The following ZNF277 variants were observed in gnomAD, a reference collection of about 807,000 sequenced individuals.
ZNF277 encodes zinc finger protein 277, also known as nuclear receptor-interacting factor 4.
A neutral mutation model predicts 60.7 loss-of-function variants in ZNF277; 55 were observed. That is an observed-to-expected ratio of 0.91 (90% CI 0.73 to 1.13). The LOEUF (loss-of-function observed/expected upper bound fraction) is 1.13, where lower values mean the gene tolerates loss of function less well. ZNF277 is among the 50% of genes most tolerant of loss of function. ZNF277 has a pLI of 0.00. For missense variants in ZNF277, 510 were observed against 523.0 expected, an observed-to-expected ratio of 0.98 and a Z score of 0.24; for synonymous variants, 178 against 179.3, an observed-to-expected ratio of 0.99 and a Z score of 0.06.
At chr7:112,281,632 A>T (rs1312226906) in intron 1 of ZNF277, among the ~76,000 whole-genome samples, 1 of 152,188 alleles carries the variant, frequency 6.6e-6, no homozygotes, top group Non-Finnish European at 1.5e-5. Context: ...ATATAGTTGG[A>T]CTACGCACAA....
At chr7:112,282,974 G>C (rs945090523) in intron 1 of ZNF277, among the ~76,000 whole-genome samples, 5 of 152,138 alleles carry the variant, frequency 3.3e-5, no homozygotes, top group African/African-American at 1.2e-4. Context: ...ACAATGCCTG[G>C]CACAAAATAA....
Position 112,337,720 on chromosome 7 carries a change from T to C in ZNF277, c.870-10T>C. 2.5e-6 allele frequency: 4 copies of C among 1,609,714 alleles called. No homozygotes were observed. Among genetic ancestry groups the C allele is most frequent in the Non-Finnish European group, 3.4e-6 (4 of 1,178,270 alleles). ...AATCTCCGTATTTTCTCTCCTCTTT[T>C]TTAATTCAGTGACTGGTCTGATTGG... On this transcript the variant is annotated splice_polypyrimidine_tract_variant and intron_variant, in intron 8 of 11. Transcript: ENST00000361822.
rs1793345305 is a variant in ZNF277 at position 112,336,883 on chromosome 7, C to T, written c.869+712C>T. Among the ~76,000 whole-genome samples, 12 of 152,266 alleles carry T rather than the reference C, an allele frequency of 7.9e-5. No individual in the cohort carries two copies. In the South Asian group the frequency reaches 2.5e-3, roughly 32 times the overall value. ...TCAGTGAATGTTAAAGTTTTAATGACACAAAAGGTTATAAATAGTAAGTCA... is the reference window on the plus strand; with the variant it reads ...TCAGTGAATGTTAAAGTTTTAATGATACAAAAGGTTATAAATAGTAAGTCA... On this transcript the variant is annotated intron_variant, in intron 8 of 11. Transcript: ENST00000361822.
Position 112,298,904 on chromosome 7 carries a change from G to A in ZNF277, c.465+2593G>A, listed in dbSNP as rs1366844189. Among the ~76,000 whole-genome samples, 3 of 152,134 alleles carry A rather than the reference G, an allele frequency of 2.0e-5. No homozygotes were observed. The East Asian group carries it at 5.8e-4, about 29-fold the overall frequency. ...TTTTAAGCCATGCCATGCCAGCGTA[G>A]TCATTATTTGGCCTCTCATGTGTCT... On this transcript the variant is annotated intron_variant, in intron 4 of 11. Coordinates refer to ENST00000361822, the MANE Select transcript of ZNF277 (RefSeq NM_021994.3).
chr7:112,221,212 T>C (rs1822021577), intron 1 of ZNF277, among the ~76,000 whole-genome samples: 2 of 152,142 alleles, frequency 1.3e-5, no homozygotes, highest in Admixed American at 1.3e-4. Flanking sequence ...CTAATCGAGC[T>C]GAACACTAGC....
intron 1 of ZNF277, among the ~76,000 whole-genome samples, chr7:112,207,498 G>GA (rs1157703892): frequency 6.6e-6 from 1 of 152,172 alleles, no homozygotes; most frequent in African/African-American, 2.4e-5. Flanking sequence ...AAGAACATTT[G>GA]AAAAGAGTTT....
intron 1 of ZNF277, among the ~76,000 whole-genome samples, chr7:112,261,930 A>G (rs764528560): frequency 5.3e-5 from 8 of 152,060 alleles, no homozygotes; most frequent in Non-Finnish European, 1.0e-4. Flanking sequence ...GGCACTAAAC[A>G]TTTCAGAATG....
At chr7:112,264,021 A>G (rs1424394038) in intron 1 of ZNF277, among the ~76,000 whole-genome samples, 1 of 152,064 alleles carries the variant, frequency 6.6e-6, no homozygotes, top group East Asian at 1.9e-4. Context: ...AATATAAACA[A>G]AAACAGCGCC....
At chr7:112,265,460 G>A (rs1245783588) in intron 1 of ZNF277, among the ~76,000 whole-genome samples, 1 of 152,096 alleles carries the variant, frequency 6.6e-6, no homozygotes, top group Non-Finnish European at 1.5e-5. Context: ...ATAACAATTA[G>A]TAACATCAAG....
chr7:112,326,714 G>GA (rs369773299), intron 5 of ZNF277, among the ~76,000 whole-genome samples: 39 of 150,830 alleles, frequency 2.6e-4, no homozygotes, highest in African/African-American at 7.8e-4. Context: ...TTCTCAAGGG[G>GA]AAAAAAAACA....
Position 112,286,860 on chromosome 7 carries a change from T to A in ZNF277, c.92-13T>A. 1 of 1,242,754 alleles carries A rather than the reference T, an allele frequency of 8.0e-7. No homozygotes were observed. The highest frequency in any genetic ancestry group is 1.1e-6 in the Non-Finnish European group (1 of 927,638). The allele number at this position is 1,242,754 out of a possible 1,614,324, so 77.0% of individuals were successfully genotyped here. ...TTCTTTCTTTTTTTTTTTTTTTTTTTGGTCTATTCCAGACAGTAAGGATTG... is the reference window on the plus strand; with the variant it reads ...TTCTTTCTTTTTTTTTTTTTTTTTTAGGTCTATTCCAGACAGTAAGGATTG... On this transcript the variant is annotated splice_polypyrimidine_tract_variant and intron_variant, in intron 1 of 11. Transcript: ENST00000361822.
At chr7:112,261,440 GTT>G (rs1295077037) in intron 1 of ZNF277, among the ~76,000 whole-genome samples, 1 of 152,066 alleles carries the variant, frequency 6.6e-6, no homozygotes, top group Non-Finnish European at 1.5e-5. Context: ...TTCTGATTAT[GTT>G]TTTGTTTTTC....
intron 4 of ZNF277, among the ~76,000 whole-genome samples, chr7:112,302,659 T>G (rs10275709): frequency 0.058 from 8,773 of 152,110 alleles, 684 homozygotes; most frequent in African/African-American, 0.18. Flanking sequence ...GATATTATTC[T>G]GAGTCCTAAG....
chr7:112,330,418 TAGTAAAA>T, intron 7 of ZNF277: 1 of 599,164 alleles, frequency 1.7e-6, no homozygotes, highest in South Asian at 2.2e-5. Flanking sequence ...AGTGTTTATG[TAGTAAAA>T]ATGTCATGTC....
At chr7:112,255,597 TG>T (rs1238095696) in intron 1 of ZNF277, among the ~76,000 whole-genome samples, 2 of 152,192 alleles carry the variant, frequency 1.3e-5, no homozygotes, top group African/African-American at 2.4e-5. Flanking sequence ...GGAATCCAGA[TG>T]TCAGTTAGTC....
chr7:112,237,895 C>G (rs1469447079), intron 1 of ZNF277, among the ~76,000 whole-genome samples: 3 of 152,186 alleles, frequency 2.0e-5, no homozygotes, highest in Non-Finnish European at 4.4e-5. Flanking sequence ...AGACCAATAT[C>G]TTTGATGAAG....
Position 112,296,459 on chromosome 7 carries a change from CA to C in ZNF277, c.465+157del, listed in dbSNP as rs11393136. ...GAGACAATACAAAAAGGTCTTAAAACAAAAAAAAAGTATACACTTGACTGAA... is the reference window on the plus strand; with the variant it reads ...GAGACAATACAAAAAGGTCTTAAAACAAAAAAAAGTATACACTTGACTGAA... On this transcript the variant is annotated intron_variant, in intron 4 of 11. Coordinates refer to ENST00000361822, the MANE Select transcript of ZNF277 (RefSeq NM_021994.3). The C allele has an allele frequency of 1.6e-3, 640 of 395,326 alleles. 1 individual carries two copies. Among genetic ancestry groups the C allele is most frequent in the East Asian group, 2.1e-3 (51 of 24,246 alleles). 24.5% of individuals were successfully genotyped at this position (395,326 alleles called of 1,614,324 possible). A position where few individuals can be genotyped will look rare whatever the true frequency, so the allele number is the denominator to read the frequency against.
intron 1 of ZNF277, among the ~76,000 whole-genome samples, chr7:112,259,272 C>T (rs914528228): frequency 6.6e-6 from 1 of 152,072 alleles, no homozygotes; most frequent in Non-Finnish European, 1.5e-5. Context: ...ATGTATTACT[C>T]TGTTGTATAT....
chr7:112,295,802 T>A, intron 2 of ZNF277, 67 bp from the exon 3 acceptor site: 3 of 1,239,464 alleles, frequency 2.4e-6, no homozygotes, highest in African/African-American at 1.5e-5. Flanking sequence ...GCTTATAGAT[T>A]CCTGTCATTC....
Sources: allele counts gnomAD v4.1 joint callset (sites outside exome capture counted in the v4.1 genomes callset), GRCh38; gene constraint gnomAD v4.1.1; transcripts MANE v1.5; gene names NCBI Gene and HGNC (gene_info 2026-07-23, HGNC 2026-07-21).